Variants in KCNIP1 observed in about 807,000 individuals in gnomAD.
KCNIP1 encodes A-type potassium channel modulatory protein KCNIP1.
In KCNIP1, 18 loss-of-function variants were observed where a neutral mutation model predicts 33.0. The ratio of observed to expected loss-of-function variants is 0.55; its 90% CI spans 0.38 to 0.81. The LOEUF is 0.81. KCNIP1 is among the 30% of genes least tolerant of loss of function. KCNIP1 has a pLI of 0.00. For synonymous variants in KCNIP1, 93 were observed against 98.3 expected, an observed-to-expected ratio of 0.95 and a Z score of 0.32; for missense variants, 238 against 271.6, an observed-to-expected ratio of 0.88 and a Z score of 0.87.
chr5:170,491,574 C>T (rs1334909497), intron 1 of KCNIP1, among the ~76,000 whole-genome samples: 1 of 152,210 alleles, frequency 6.6e-6, no homozygotes, highest in Non-Finnish European at 1.5e-5. Context: ...TCAGTGCCAA[C>T]TTCCTCCAGA....
chr5:170,539,234 T>C (rs909512356), intron 1 of KCNIP1, among the ~76,000 whole-genome samples: 1 of 152,140 alleles, frequency 6.6e-6, no homozygotes, highest in Admixed American at 6.5e-5. Flanking sequence ...CACTTCCTGG[T>C]TTTACTTCAG....
chr5:170,664,097 T>G (rs1761607193), intron 1 of KCNIP1, among the ~76,000 whole-genome samples: 2 of 152,102 alleles, frequency 1.3e-5, no homozygotes, highest in South Asian at 4.1e-4. Context: ...TCCCAAGGCC[T>G]TGTGATCTGC....
chr5:170,647,853 G>GA lies in KCNIP1; in HGVS notation c.62-70899dup, dbSNP rs1252511168. On this transcript the variant is annotated intron_variant, in intron 1 of 7. Coordinates refer to ENST00000328939, the MANE Select transcript of KCNIP1 (RefSeq NM_014592.4). ...AATGAGAAAATAAGCCACAGACTGG[G>GA]AAAAAATATTTGAAAAAATATATAT... Among the ~76,000 whole-genome samples, 5 of 152,044 alleles carry GA rather than the reference G, an allele frequency of 3.3e-5. No individual in the cohort carries two copies. In the East Asian group the frequency reaches 9.7e-4, roughly 29 times the overall value.
At chr5:170,629,618 G>T (rs184127935) in intron 1 of KCNIP1, among the ~76,000 whole-genome samples, 1 of 152,158 alleles carries the variant, frequency 6.6e-6, no homozygotes, top group Non-Finnish European at 1.5e-5. Context: ...GGCCTTTGCT[G>T]GTCCCTCCCT....
intron 1 of KCNIP1, among the ~76,000 whole-genome samples, chr5:170,394,558 ATATAT>A (rs1436909373): frequency 1.3e-5 from 2 of 152,284 alleles, no homozygotes; most frequent in South Asian, 4.2e-4. Flanking sequence ...CTTTAAATTG[ATATAT>A]TATAGTTTCA....
chr5:170,456,406 C>T (rs1417974108), intron 1 of KCNIP1, among the ~76,000 whole-genome samples: 1 of 151,972 alleles, frequency 6.6e-6, no homozygotes, highest in Middle Eastern at 3.2e-3. Flanking sequence ...CAGCAAACCA[C>T]CATGGCACAT....
chr5:170,715,646 G>A (rs184048896), intron 1 of KCNIP1, among the ~76,000 whole-genome samples: 6 of 152,250 alleles, frequency 3.9e-5, no homozygotes, highest in Admixed American at 2.6e-4. Flanking sequence ...CCCTTCACAC[G>A]TAAGGTTATG....
intron 1 of KCNIP1, among the ~76,000 whole-genome samples, chr5:170,624,724 C>CGG (rs1561724938): frequency 7.0e-4 from 26 of 36,986 alleles, no homozygotes; most frequent in Non-Finnish European, 1.1e-3. Flanking sequence ...GAAAGGAGAC[C>CGG]GGGGAGGTGG....
Position 170,504,398 on chromosome 5 carries a change from G to A in KCNIP1, c.-175G>A. 1 of 1,441,600 alleles carries A rather than the reference G, an allele frequency of 6.9e-7. No individual in the cohort carries two copies. The highest frequency in any genetic ancestry group is 1.5e-5 in the South Asian group (1 of 67,752). 89.3% of individuals were successfully genotyped at this position (1,441,600 alleles called of 1,614,324 possible). Reference sequence around the variant, plus strand: ...TCCCTGCATGTGCGGGGCTGAAGAAGGAAGCCAGAAGCCTCCTAGCCTCGC... The same window carrying A: ...TCCCTGCATGTGCGGGGCTGAAGAAAGAAGCCAGAAGCCTCCTAGCCTCGC... On this transcript the variant is annotated 5_prime_UTR_variant, in exon 1 of 8. Coordinates refer to ENST00000328939, the MANE Select transcript of KCNIP1 (RefSeq NM_014592.4). This position sits in a 1 kb window ranked among gnomAD's most constrained non-coding sequence, Gnocchi z 6.0.
chr5:170,442,682 T>A (rs1044743813), intron 1 of KCNIP1, among the ~76,000 whole-genome samples: 4 of 152,192 alleles, frequency 2.6e-5, no homozygotes, highest in Admixed American at 6.5e-5. Context: ...AGTCATGAGA[T>A]GTCCTCAACA....
chr5:170,495,840 C>G (rs1193035011), intron 1 of KCNIP1, among the ~76,000 whole-genome samples: 1 of 152,228 alleles, frequency 6.6e-6, no homozygotes, highest in Admixed American at 6.5e-5. Flanking sequence ...GGCCCTGTCC[C>G]AGAGTCAGTC....
intron 1 of KCNIP1, among the ~76,000 whole-genome samples, chr5:170,492,652 C>T (rs960073476): frequency 6.6e-6 from 1 of 152,190 alleles, no homozygotes; most frequent in African/African-American, 2.4e-5. Flanking sequence ...CCAAGAGTCA[C>T]CTCACTGGAA....
At chr5:170,717,402 C>G (rs761998615) in intron 1 of KCNIP1, among the ~76,000 whole-genome samples, 14 of 152,158 alleles carry the variant, frequency 9.2e-5, no homozygotes, top group Non-Finnish European at 1.6e-4. Flanking sequence ...GGCCACTTGT[C>G]TCTGTGGCGT....
chr5:170,675,491 C>T (rs955095600), intron 1 of KCNIP1, among the ~76,000 whole-genome samples: 26 of 151,888 alleles, frequency 1.7e-4, no homozygotes, highest in African/African-American at 5.6e-4. Flanking sequence ...CATGGTGGCA[C>T]GCACCTGTAG....
chr5:170,722,942 C>A (rs1340540777), intron 5 of KCNIP1, 122 bp downstream of exon 5: 1 of 639,866 alleles, frequency 1.6e-6, no homozygotes, highest in Non-Finnish European at 2.7e-6. Context: ...TTGGGGCTAA[C>A]AGAGCTGGTC....
At chr5:170,595,004 C>T (rs1158747927) in intron 1 of KCNIP1, among the ~76,000 whole-genome samples, 1 of 152,114 alleles carries the variant, frequency 6.6e-6, no homozygotes, top group Non-Finnish European at 1.5e-5. Flanking sequence ...GAGGGAGTAC[C>T]GGGCCAATCC....
chr5:170,602,910 G>A (rs934535056), intron 1 of KCNIP1, among the ~76,000 whole-genome samples: 3 of 152,150 alleles, frequency 2.0e-5, no homozygotes, highest in East Asian at 1.9e-4. Context: ...CCCAAGGTTC[G>A]GCGCCGCATC....
intron 1 of KCNIP1, among the ~76,000 whole-genome samples, chr5:170,528,270 G>T (rs899791266): frequency 9.9e-5 from 15 of 152,184 alleles, no homozygotes; most frequent in Non-Finnish European, 1.9e-4. Context: ...CTTTGTTCAA[G>T]GAGGGAGCTG....
chr5:170,538,268 C>T (rs1177135387), intron 1 of KCNIP1, among the ~76,000 whole-genome samples: 1 of 152,184 alleles, frequency 6.6e-6, no homozygotes, highest in African/African-American at 2.4e-5. Flanking sequence ...TGCTCTGAGG[C>T]ACATGCCATC....
Sources: allele counts gnomAD v4.1 joint callset (sites outside exome capture counted in the v4.1 genomes callset), GRCh38; gene constraint gnomAD v4.1.1; non-coding constraint Gnocchi (gnomAD v3.1); transcripts MANE v1.5; gene names NCBI Gene and HGNC (gene_info 2026-07-23, HGNC 2026-07-21).